Variants in ITPR2 observed in about 807,000 individuals in gnomAD.
ITPR2 encodes the protein inositol 1,4,5-trisphosphate receptor type 2, also known as inositol 1,4,5-trisphosphate-gated calcium channel ITPR2.
Under a neutral mutation model 317.1 loss-of-function variants are expected in ITPR2, and 207 were observed. The ratio of observed to expected loss-of-function variants is 0.65; its 90% CI spans 0.58 to 0.73. The LOEUF is 0.73. Among genes scored for constraint, ITPR2 ranks in the 30% least tolerant of loss-of-function variants. ITPR2 has a pLI of 0.00. For missense variants in ITPR2, 2,613 were observed against 3,284.0 expected, an observed-to-expected ratio of 0.80 and a Z score of 4.99; for synonymous variants, 1,156 against 1,149.1, an observed-to-expected ratio of 1.01 and a Z score of -0.12.
rs531401449 is a variant in ITPR2, at chr12:26,753,483, G to A, written c.164-27718C>T. 2.8e-4 allele frequency among the ~76,000 whole-genome samples: 42 copies of A among 152,172 alleles called. No homozygotes were observed. The South Asian group carries it at 5.8e-3, about 21-fold the overall frequency. ...AAAGATCCCTTCATTACCGACAAGC[G>A]GTCACCTGAACTTTTCAGTGTCACT... On this transcript the variant is annotated intron_variant, in intron 2 of 56. Transcript: ENST00000381340.
chr12:26,797,487 G>A (rs148180496), intron 1 of ITPR2, among the ~76,000 whole-genome samples: 29 of 152,128 alleles, frequency 1.9e-4, no homozygotes, highest in African/African-American at 7.0e-4. Context: ...CCTGATGTTT[G>A]TTTACCACAT....
intron 45 of ITPR2, among the ~76,000 whole-genome samples, chr12:26,453,641 T>C (rs1565535267): frequency 6.6e-6 from 1 of 152,212 alleles, no homozygotes; most frequent in East Asian, 1.9e-4. Flanking sequence ...TTGAAATTTC[T>C]GGGTCTCACT....
chr12:26,620,776 G>C (rs200735241), intron 26 of ITPR2, among the ~76,000 whole-genome samples: 4 of 152,026 alleles, frequency 2.6e-5, no homozygotes, highest in Non-Finnish European at 5.9e-5. Context: ...ACAGCAAAAG[G>C]GTCCACAAAA....
At chr12:26,417,315 T>C (rs967136019) in intron 50 of ITPR2, among the ~76,000 whole-genome samples, 4 of 152,024 alleles carry the variant, frequency 2.6e-5, no homozygotes, top group South Asian at 4.2e-4. Context: ...AATTAGAAAA[T>C]GGGGTTAATA....
chr12:26,454,904 G>C (rs1941842208), intron 45 of ITPR2, among the ~76,000 whole-genome samples: 1 of 152,144 alleles, frequency 6.6e-6, no homozygotes, highest in African/African-American at 2.4e-5. Flanking sequence ...TGCAGGATCT[G>C]TGCTCCTAAT....
chr12:26,463,389 G>A lies in ITPR2; in HGVS notation c.6342+11907C>T, dbSNP rs138571444. Among the ~76,000 whole-genome samples, 798 of 151,978 alleles carry A rather than the reference G, an allele frequency of 5.3e-3. 4 individuals are homozygous for A. The highest frequency in any genetic ancestry group is 0.018 in the African/African-American group (744 of 41,480). ...GAGGTAAGAACTGAGTACTCTGGCC[G>A]GGCTCGGTGGCTCACGCCTGTAATC... On this transcript the variant is annotated intron_variant, in intron 45 of 56. Transcript: ENST00000381340.
At chr12:26,726,060 A>C (rs1453728872) in intron 2 of ITPR2, 1 of 220,354 alleles carries the variant, frequency 4.5e-6, no homozygotes, top group Non-Finnish European at 9.0e-6. Flanking sequence ...GCATGGATTA[A>C]TTATAATGGG....
At chr12:26,510,495 AAGG>A (rs1426488201) in intron 37 of ITPR2, among the ~76,000 whole-genome samples, 1 of 152,194 alleles carries the variant, frequency 6.6e-6, no homozygotes, top group African/African-American at 2.4e-5. Context: ...CAGGCTAGAG[AAGG>A]AGGAGTGAGA....
chr12:26,712,539 GGC>G (rs1424461267), intron 8 of ITPR2, among the ~76,000 whole-genome samples: 1 of 152,006 alleles, frequency 6.6e-6, no homozygotes, highest in Non-Finnish European at 1.5e-5. Flanking sequence ...TAATCACACT[GGC>G]CACTGTGATC....
intron 1 of ITPR2, among the ~76,000 whole-genome samples, chr12:26,826,065 T>A (rs1012422659): frequency 2.0e-5 from 3 of 152,116 alleles, no homozygotes. Flanking sequence ...AAGTTAACTA[T>A]AACCATTCCA....
At chr12:26,730,870 G>A (rs1949015849) in intron 2 of ITPR2, among the ~76,000 whole-genome samples, 1 of 152,196 alleles carries the variant, frequency 6.6e-6, no homozygotes, top group Non-Finnish European at 1.5e-5. Context: ...CGTTAACACT[G>A]TAAGTCAAAG....
chr12:26,677,970 G>A (rs1248890436), intron 13 of ITPR2, among the ~76,000 whole-genome samples: 2 of 152,164 alleles, frequency 1.3e-5, no homozygotes, highest in Non-Finnish European at 1.5e-5. Flanking sequence ...TCCCTCGAGA[G>A]GGTAAGTTTC....
chr12:26,648,704 G>A (rs1405445847), intron 21 of ITPR2: 1 of 151,838 alleles, frequency 6.6e-6, no homozygotes, highest in Admixed American at 6.6e-5. Flanking sequence ...ACATTGCTAT[G>A]ACTCCTAACA....
At chr12:26,671,877 GA>G (rs1947780856) in intron 13 of ITPR2, among the ~76,000 whole-genome samples, 1 of 151,748 alleles carries the variant, frequency 6.6e-6, no homozygotes, top group Non-Finnish European at 1.5e-5. Context: ...AATGGAAAAC[GA>G]AAAAAGGCAG....
intron 37 of ITPR2, among the ~76,000 whole-genome samples, chr12:26,522,028 C>T (rs555647090): frequency 5.9e-5 from 9 of 152,220 alleles, no homozygotes; most frequent in Admixed American, 2.6e-4. Context: ...AATACTACAG[C>T]GTCAGACACA....
At chr12:26,372,458 T>C (rs539470017) in intron 55 of ITPR2, among the ~76,000 whole-genome samples, 6 of 152,344 alleles carry the variant, frequency 3.9e-5, no homozygotes, top group Admixed American at 2.6e-4. Flanking sequence ...GTAGGGATGT[T>C]TACGCATTTT....
chr12:26,766,320 C>A (rs1949718984), intron 2 of ITPR2, among the ~76,000 whole-genome samples: 1 of 151,366 alleles, frequency 6.6e-6, no homozygotes, highest in African/African-American at 2.4e-5. Context: ...AACTATAATT[C>A]CAGGTTTCAA....
Position 26,364,758 on chromosome 12 carries a change from T to C in ITPR2, c.7857+22676A>G, listed in dbSNP as rs534572147. On this transcript the variant is annotated intron_variant, in intron 55 of 56. Transcript: ENST00000381340. ...AAATCAATTTATCTTGTTAAATCAATGCATAGGTATTCTGATTTATCCACA... is the reference window on the plus strand; with the variant it reads ...AAATCAATTTATCTTGTTAAATCAACGCATAGGTATTCTGATTTATCCACA... Among the ~76,000 whole-genome samples, 15 of 152,322 alleles carry C rather than the reference T, an allele frequency of 9.8e-5. No homozygotes were observed. In the South Asian group the frequency reaches 1.9e-3, roughly 19 times the overall value.
At chr12:26,656,867 G>A (rs1275946943) in intron 18 of ITPR2, among the ~76,000 whole-genome samples, 1 of 152,190 alleles carries the variant, frequency 6.6e-6, no homozygotes, top group Admixed American at 6.5e-5. Context: ...ATGGGTAACA[G>A]CTCACATGAA....
Sources: gnomAD v4.1 joint callset for allele counts (sites outside exome capture counted in the v4.1 genomes callset) on GRCh38, gnomAD v4.1.1 for gene constraint, MANE v1.5 for transcripts, NCBI Gene and HGNC (gene_info 2026-07-23, HGNC 2026-07-21) for gene names.